ELP3: variants seen among roughly 807,000 people sequenced by gnomAD.
ELP3 encodes elongator acetyltransferase complex subunit 3.
In ELP3, 56 loss-of-function variants were observed where a neutral mutation model predicts 74.9. That is an observed-to-expected ratio of 0.75 (90% CI 0.60 to 0.93). ELP3 has a LOEUF of 0.93. Among genes scored for constraint, ELP3 ranks in the 40% least tolerant of loss-of-function variants. ELP3 has a pLI of 0.00. For synonymous variants in ELP3, 222 were observed against 239.8 expected (o/e 0.93, Z 0.68); for missense variants, 573 against 686.5 (o/e 0.83, Z 1.85).
intron 14 of ELP3, among the ~76,000 whole-genome samples, chr8:28,169,374 A>C (rs1814429830): frequency 6.6e-6 from 1 of 152,190 alleles, no homozygotes; most frequent in African/African-American, 2.4e-5. Flanking sequence ...CAGGGCATAG[A>C]GGGGATGGTT....
chr8:28,160,152 A>G (rs1814010324), intron 12 of ELP3, 77 bp from the exon 13 acceptor site: 1 of 1,332,854 alleles, frequency 7.5e-7, no homozygotes, highest in South Asian at 1.4e-5. Context: ...ATTAACCTAA[A>G]TAAATACATA....
At chr8:28,109,253 T>C (rs1023723809) in intron 5 of ELP3, among the ~76,000 whole-genome samples, 1 of 152,232 alleles carries the variant, frequency 6.6e-6, no homozygotes, top group Non-Finnish European at 1.5e-5. Context: ...AGAAGGCCAG[T>C]GAGGTGCTTT....
At chr8:28,157,770 G>A (rs979505572) in intron 11 of ELP3, among the ~76,000 whole-genome samples, 1 of 152,132 alleles carries the variant, frequency 6.6e-6, no homozygotes, top group Non-Finnish European at 1.5e-5. Context: ...AAAGGATTGT[G>A]TAATTGTAAA....
chr8:28,114,860 G>C, intron 7 of ELP3, among the ~76,000 whole-genome samples: 1 of 152,170 alleles, frequency 6.6e-6, no homozygotes, highest in Non-Finnish European at 1.5e-5. Context: ...TGGTTAACAG[G>C]TAGGGTCATT....
At chr8:28,145,648 A>C (rs139345475) in intron 10 of ELP3, among the ~76,000 whole-genome samples, 1 of 152,118 alleles carries the variant, frequency 6.6e-6, no homozygotes, top group Admixed American at 6.6e-5. Flanking sequence ...TTTGAGACGA[A>C]GTCTAACCCT....
At chr8:28,175,466 C>G (rs1409000565) in intron 14 of ELP3, among the ~76,000 whole-genome samples, 1 of 152,186 alleles carries the variant, frequency 6.6e-6, no homozygotes, top group Non-Finnish European at 1.5e-5. Context: ...GCCAGAATTT[C>G]TATTTTTTAA....
At chr8:28,116,484 A>AGTGG (rs1812141098) in intron 7 of ELP3, among the ~76,000 whole-genome samples, 1 of 152,216 alleles carries the variant, frequency 6.6e-6, no homozygotes, top group South Asian at 2.1e-4. Flanking sequence ...TCACGCCTGT[A>AGTGG]ATCCCAGCCC....
chr8:28,174,107 T>G (rs896019947), intron 14 of ELP3, among the ~76,000 whole-genome samples: 5 of 152,092 alleles, frequency 3.3e-5, no homozygotes, highest in Non-Finnish European at 7.4e-5. Context: ...TCTGTTAGAT[T>G]TAAGTGGTTT....
At chr8:28,153,551 G>A (rs1322198930) in intron 10 of ELP3, among the ~76,000 whole-genome samples, 1 of 152,176 alleles carries the variant, frequency 6.6e-6, no homozygotes, top group Non-Finnish European at 1.5e-5. Flanking sequence ...TGGATGTAGG[G>A]AAGGGGCAAT....
At chr8:28,093,474 G>A (rs1811127817) in intron 1 of ELP3, 8 of 588,958 alleles carry the variant, frequency 1.4e-5, no homozygotes, top group Admixed American at 9.6e-5. Context: ...TTGTTTGAAT[G>A]GCAGGGAAAC....
At chr8:28,093,544 T>C (rs1811131651) in intron 1 of ELP3, 2 of 434,420 alleles carry the variant, frequency 4.6e-6, no homozygotes, top group South Asian at 3.3e-5. Flanking sequence ...TGTAGGACTT[T>C]TCATTTGTTA....
At chr8:28,146,277 C>T (rs1402065218) in intron 10 of ELP3, among the ~76,000 whole-genome samples, 1 of 152,174 alleles carries the variant, frequency 6.6e-6, no homozygotes, top group African/African-American at 2.4e-5. Context: ...TTGCTGCCCT[C>T]AGGCTATTTG....
chr8:28,129,764 A>G lies in ELP3; in HGVS notation c.779+101A>G. 4 of 1,334,642 alleles carry G rather than the reference A, an allele frequency of 3.0e-6. No individual in the cohort carries two copies. The South Asian group carries it at 5.1e-5, about 17-fold the overall frequency. 82.7% of individuals were successfully genotyped at this position (1,334,642 alleles called of 1,614,324 possible). On this transcript the variant is annotated intron_variant, in intron 8 of 14. Coordinates refer to ENST00000256398, the MANE Select transcript of ELP3 (RefSeq NM_018091.6). ...TCTTCCTTCTGACCACTCTTAGGGA[A>G]AGAAGTATGGGTATTCCTCCTTTTC...
intron 3 of ELP3, among the ~76,000 whole-genome samples, chr8:28,101,256 T>C (rs1486032717): frequency 6.7e-6 from 1 of 149,232 alleles, no homozygotes; most frequent in East Asian, 2.0e-4. Context: ...CTACTAAAAA[T>C]ACAAAAAAAA....
At chr8:28,132,429 A>G (rs1812819409) in intron 9 of ELP3, 25 bp downstream of exon 9, 1 of 1,613,738 alleles carries the variant, frequency 6.2e-7, no homozygotes. Flanking sequence ...AGCCAGGCGC[A>G]TTCAGAATGG....
chr8:28,110,697 G>A (rs1039972989), intron 6 of ELP3: 19 of 354,308 alleles, frequency 5.4e-5, no homozygotes, highest in Admixed American at 9.2e-5. Flanking sequence ...AAAGTCATTT[G>A]TAGTATGAAA....
chr8:28,137,562 C>A, intron 9 of ELP3, 136 bp from the exon 10 acceptor site: 1 of 740,702 alleles, frequency 1.4e-6, no homozygotes. Context: ...TCTGTCTGTA[C>A]GCCCTACCTG....
chr8:28,134,046 C>G (rs947696698), intron 9 of ELP3, among the ~76,000 whole-genome samples: 2 of 152,152 alleles, frequency 1.3e-5, no homozygotes, highest in Admixed American at 1.3e-4. Flanking sequence ...CGTTGGTTGG[C>G]TGCACCCATG....
rs865799718 is a variant in ELP3, at chr8:28,175,272, A to C, written c.1567+13194A>C. Among the ~76,000 whole-genome samples, 4 of 152,012 alleles carry C rather than the reference A, an allele frequency of 2.6e-5. No individual in the cohort carries two copies. The South Asian group carries it at 8.3e-4, about 32-fold the overall frequency. ...TCCCTCTGAAACTCCAGCAATGCAT[A>C]TATTGGTATGCTTGATGGTATCCCC... On this transcript the variant is annotated intron_variant, in intron 14 of 14. Coordinates refer to ENST00000256398, the MANE Select transcript of ELP3 (RefSeq NM_018091.6).
Sources: allele counts gnomAD v4.1 joint callset (sites outside exome capture counted in the v4.1 genomes callset), GRCh38; gene constraint gnomAD v4.1.1; transcripts MANE v1.5; gene names NCBI Gene and HGNC (gene_info 2026-07-23, HGNC 2026-07-21).